The following ADAMTSL3 variants were observed in gnomAD, a reference collection of about 807,000 sequenced individuals.
The protein encoded by ADAMTSL3 is ADAMTS-like protein 3.
ADAMTSL3 carries 128 observed loss-of-function variants against 201.7 expected under a neutral mutation model. That is an observed-to-expected ratio of 0.63 (90% CI 0.55 to 0.73). The LOEUF is 0.73. ADAMTSL3 is among the 30% of genes least tolerant of loss of function. ADAMTSL3 has a pLI of 0.00. For synonymous variants in ADAMTSL3, 738 were observed against 748.4 expected (o/e 0.99, Z 0.23); for missense variants, 1,990 against 2,119.6 (o/e 0.94, Z 1.20).
chr15:83,931,375 G>A (rs1289776953), intron 17 of ADAMTSL3, among the ~76,000 whole-genome samples: 2 of 152,186 alleles, frequency 1.3e-5, no homozygotes, highest in African/African-American at 4.8e-5. Context: ...AGTTCCTTGT[G>A]ACTATAATTG....
At chr15:83,741,475 A>G (rs369895934) in intron 3 of ADAMTSL3, among the ~76,000 whole-genome samples, 2 of 152,252 alleles carry the variant, frequency 1.3e-5, no homozygotes, top group East Asian at 3.9e-4. Context: ...ACTATAAGGA[A>G]AAAGTTTCCT....
intron 13 of ADAMTSL3, 61 bp downstream of exon 13, chr15:83,892,949 A>T (rs1408213849): frequency 2.7e-6 from 4 of 1,492,910 alleles, no homozygotes; most frequent in Non-Finnish European, 3.7e-6. Flanking sequence ...TATTTTCTAT[A>T]TGCCCACCAT....
chr15:83,982,655 G>A lies in ADAMTSL3; in HGVS notation c.3027G>A (p.Arg1009=). 6.2e-7 allele frequency: 1 copy of A among 1,614,136 alleles called. No individual in the cohort carries two copies. The highest frequency in any genetic ancestry group is 1.1e-5 in the South Asian group (1 of 91,076). ...DNRLIARPAL[R]EPMREYPGMD... ...GGCTCATCGCACGCCCAGCCCTCAG[G>A]GAGCCTATGAGGGAATATCCTGGGA... is the stretch of plus-strand genomic sequence containing the variant. Residue 1009 remains arginine (R), a synonymous_variant, in exon 21 of 30, where the codon AGG becomes AGA. Transcript: ENST00000286744.
chr15:83,690,309 C>T (rs1265118350), intron 2 of ADAMTSL3, among the ~76,000 whole-genome samples: 5 of 152,126 alleles, frequency 3.3e-5, no homozygotes, highest in African/African-American at 1.2e-4. Context: ...CCTTCCAGAG[C>T]CCCTTCAGGA....
intron 2 of ADAMTSL3, among the ~76,000 whole-genome samples, chr15:83,691,978 G>A (rs768746419): frequency 2.6e-4 from 40 of 152,124 alleles, no homozygotes; most frequent in Non-Finnish European, 4.9e-4. Context: ...GCAACCAAAA[G>A]AAAAGTATTC....
At chr15:83,995,157 C>T (rs913239367) in intron 23 of ADAMTSL3, among the ~76,000 whole-genome samples, 5 of 152,084 alleles carry the variant, frequency 3.3e-5, no homozygotes, top group African/African-American at 9.7e-5. Context: ...GCTCTTGGGT[C>T]GGCGGAGACA....
intron 3 of ADAMTSL3, among the ~76,000 whole-genome samples, chr15:83,772,655 C>T (rs893627688): frequency 1.1e-4 from 16 of 151,678 alleles, no homozygotes; most frequent in Admixed American, 2.0e-4. Context: ...TGGGAGTTAC[C>T]GCCAGTCTGC....
At chr15:83,938,477 C>A (rs2066499187) in intron 17 of ADAMTSL3, among the ~76,000 whole-genome samples, 1 of 152,038 alleles carries the variant, frequency 6.6e-6, no homozygotes, top group East Asian at 1.9e-4. Context: ...GCATTGCTAC[C>A]CTTTAAAAGG....
At chr15:83,855,394 A>G (rs924227931) in intron 7 of ADAMTSL3, among the ~76,000 whole-genome samples, 2 of 152,144 alleles carry the variant, frequency 1.3e-5, no homozygotes, top group Non-Finnish European at 2.9e-5. Context: ...ATTGTTTTGG[A>G]CAAATGCCTC....
intron 3 of ADAMTSL3, among the ~76,000 whole-genome samples, chr15:83,725,672 G>A (rs752608843): frequency 6.6e-5 from 10 of 152,110 alleles, no homozygotes; most frequent in Non-Finnish European, 1.3e-4. Flanking sequence ...CCCAGTGTAC[G>A]TTCTTGGCAC....
chr15:83,671,734 C>T lies in ADAMTSL3; in HGVS notation c.69+15904C>T, dbSNP rs112086453. Among the ~76,000 whole-genome samples, 41 of 152,278 alleles carry T rather than the reference C, an allele frequency of 2.7e-4. No homozygotes were observed. The Middle Eastern group carries it at 0.014, about 51-fold the overall frequency. On this transcript the variant is annotated intron_variant, in intron 2 of 29. Transcript: ENST00000286744. ...TGCTTTTGCACTCCCATACTAATTC[C>T]CCTTTAGCTCTAGTGGGGAGCAATC...
chr15:83,741,968 T>C (rs1381530094), intron 3 of ADAMTSL3, among the ~76,000 whole-genome samples: 1 of 152,178 alleles, frequency 6.6e-6, no homozygotes, highest in Non-Finnish European at 1.5e-5. Context: ...TCTCAAAATA[T>C]GTATATATTC....
intron 3 of ADAMTSL3, among the ~76,000 whole-genome samples, chr15:83,726,210 C>T (rs770681395): frequency 2.0e-5 from 3 of 152,026 alleles, no homozygotes; most frequent in Admixed American, 6.6e-5. Context: ...TTGCTATTGG[C>T]ATATGGAAAT....
intron 2 of ADAMTSL3, among the ~76,000 whole-genome samples, chr15:83,697,400 C>T (rs918175180): frequency 1.6e-4 from 25 of 152,106 alleles, no homozygotes; most frequent in African/African-American, 6.0e-4. Context: ...TAGTATCAGA[C>T]CCCACAGGTT....
intron 2 of ADAMTSL3, among the ~76,000 whole-genome samples, chr15:83,660,415 C>T (rs1214209572): frequency 1.3e-5 from 2 of 152,156 alleles, no homozygotes; most frequent in Non-Finnish European, 2.9e-5. Context: ...TAAATCAGCT[C>T]AAGGTAGCCC....
chr15:84,009,353 G>A (rs947811736), intron 23 of ADAMTSL3, among the ~76,000 whole-genome samples: 1 of 151,876 alleles, frequency 6.6e-6, no homozygotes, highest in African/African-American at 2.4e-5. Flanking sequence ...GAAGCCTATG[G>A]TACTACTTCT....
chr15:84,008,195 T>C (rs1161679577), intron 23 of ADAMTSL3, among the ~76,000 whole-genome samples: 1 of 152,104 alleles, frequency 6.6e-6, no homozygotes. Flanking sequence ...CTGCAACCTC[T>C]ACCTCCTGGG....
At chr15:83,997,208 A>C (rs1391199863) in intron 23 of ADAMTSL3, among the ~76,000 whole-genome samples, 1 of 152,238 alleles carries the variant, frequency 6.6e-6, no homozygotes, top group East Asian at 1.9e-4. Context: ...TACCAGTGTC[A>C]GGATTGTTGG....
At chr15:83,722,462 G>T (rs891150408) in intron 3 of ADAMTSL3, among the ~76,000 whole-genome samples, 1 of 152,160 alleles carries the variant, frequency 6.6e-6, no homozygotes, top group Admixed American at 6.5e-5. Flanking sequence ...AATGGAAAAA[G>T]ATAGGAAGGA....
Sources: gnomAD v4.1 joint callset for allele counts (sites outside exome capture counted in the v4.1 genomes callset) on GRCh38, gnomAD v4.1.1 for gene constraint, MANE v1.5 for transcripts, NCBI Gene and HGNC (gene_info 2026-07-23, HGNC 2026-07-21) for gene names.